The following NR3C2 variants were observed in gnomAD, a reference collection of about 807,000 sequenced individuals.
NR3C2 encodes the protein nuclear receptor subfamily 3 group C member 2.
NR3C2 carries 15 observed loss-of-function variants against 86.4 expected under a neutral mutation model. The ratio of observed to expected loss-of-function variants is 0.17; its 90% CI spans 0.12 to 0.27. NR3C2 has a LOEUF of 0.27. Among genes scored for constraint, NR3C2 ranks in the 10% least tolerant of loss-of-function variants. The pLI, the probability that NR3C2 is intolerant of heterozygous loss-of-function variation, is 1.00. For synonymous variants in NR3C2, 458 were observed against 450.5 expected (o/e 1.02, Z -0.21); for missense variants, 960 against 1,195.6 (o/e 0.80, Z 2.91).
intron 6 of NR3C2, among the ~76,000 whole-genome samples, chr4:148,139,899 A>T (rs1733530112): frequency 6.6e-6 from 1 of 152,186 alleles, no homozygotes; most frequent in Non-Finnish European, 1.5e-5. Context: ...AAATTATAAA[A>T]CCAAAATCAT....
At chr4:148,159,789 T>C (rs536536959) in intron 4 of NR3C2, among the ~76,000 whole-genome samples, 28 of 152,332 alleles carry the variant, frequency 1.8e-4, no homozygotes, top group South Asian at 8.3e-4. Context: ...CACAGGAACA[T>C]TGCTGGCTGA....
chr4:148,116,523 A>C (rs1414986529), intron 7 of NR3C2, among the ~76,000 whole-genome samples: 1 of 152,220 alleles, frequency 6.6e-6, no homozygotes, highest in Admixed American at 6.5e-5. Context: ...AGAACATGAG[A>C]GCCTCTGATG....
At chr4:148,229,968 A>C (rs953838801) in intron 3 of NR3C2, among the ~76,000 whole-genome samples, 2 of 152,108 alleles carry the variant, frequency 1.3e-5, no homozygotes, top group African/African-American at 4.8e-5. Context: ...TTGTTATCTA[A>C]GGTGATACCA....
At chr4:148,115,421 T>C (rs1732229707) in intron 7 of NR3C2, among the ~76,000 whole-genome samples, 1 of 152,274 alleles carries the variant, frequency 6.6e-6, no homozygotes, top group South Asian at 2.1e-4. Context: ...ATTTTATTTC[T>C]AGGTGATAAA....
intron 2 of NR3C2, among the ~76,000 whole-genome samples, chr4:148,384,551 C>T (rs1747169981): frequency 6.6e-6 from 1 of 152,036 alleles, no homozygotes; most frequent in Non-Finnish European, 1.5e-5. Flanking sequence ...ACTTAATACT[C>T]AAGTCTAAGA....
At chr4:148,148,965 C>T (rs1733989149) in intron 6 of NR3C2, among the ~76,000 whole-genome samples, 1 of 152,180 alleles carries the variant, frequency 6.6e-6, no homozygotes, top group Non-Finnish European at 1.5e-5. Flanking sequence ...TCCTCTGTAA[C>T]TTACTGATTT....
At chr4:148,183,452 T>C (rs1344611353) in intron 4 of NR3C2, among the ~76,000 whole-genome samples, 2 of 152,200 alleles carry the variant, frequency 1.3e-5, no homozygotes, top group African/African-American at 4.8e-5. Context: ...TGTAAAAGCA[T>C]TCCTATTTCT....
intron 3 of NR3C2, chr4:148,209,024 C>A (rs903887937): frequency 6.6e-6 from 1 of 151,918 alleles, no homozygotes. Flanking sequence ...GGGCAGATCA[C>A]CTTAAAGTTA....
At chr4:148,262,710 G>C (rs1007393576) in intron 2 of NR3C2, among the ~76,000 whole-genome samples, 2 of 152,134 alleles carry the variant, frequency 1.3e-5, no homozygotes, top group East Asian at 1.9e-4. Context: ...CAATCTAATA[G>C]GACTGATGTT....
intron 4 of NR3C2, among the ~76,000 whole-genome samples, chr4:148,161,527 A>C (rs1734661298): frequency 6.6e-6 from 1 of 151,936 alleles, no homozygotes; most frequent in Admixed American, 6.6e-5. Flanking sequence ...TTTTTTTTAA[A>C]TATTTTTAGT....
chr4:148,293,013 G>GA (rs1741870039), intron 2 of NR3C2, among the ~76,000 whole-genome samples: 1 of 151,978 alleles, frequency 6.6e-6, no homozygotes, highest in African/African-American at 2.4e-5. Context: ...TAGAGCTTTT[G>GA]AAAAAATGCA....
chr4:148,081,987 C>T (rs1306142391), intron 8 of NR3C2, among the ~76,000 whole-genome samples: 1 of 152,156 alleles, frequency 6.6e-6, no homozygotes, highest in Non-Finnish European at 1.5e-5. Flanking sequence ...GTGGTGTTCC[C>T]CTAACTGGGC....
intron 2 of NR3C2, among the ~76,000 whole-genome samples, chr4:148,422,489 CTT>C (rs1397850223): frequency 6.6e-6 from 1 of 152,046 alleles, no homozygotes. Context: ...TACCCTGAAA[CTT>C]TGCATCTAGA....
At chr4:148,288,158 C>A (rs74458017) in intron 2 of NR3C2, among the ~76,000 whole-genome samples, 1 of 152,190 alleles carries the variant, frequency 6.6e-6, no homozygotes, top group Non-Finnish European at 1.5e-5. Context: ...TTAGAGGTCA[C>A]TGGACCTTGT....
At chr4:148,192,665 G>T (rs770571918) in intron 4 of NR3C2, among the ~76,000 whole-genome samples, 37 of 151,966 alleles carry the variant, frequency 2.4e-4, no homozygotes, top group Non-Finnish European at 5.2e-4. Flanking sequence ...TGGCTGCTGT[G>T]GGGGGTGGGG....
At chr4:148,315,790 A>C (rs1743143324) in intron 2 of NR3C2, among the ~76,000 whole-genome samples, 1 of 152,182 alleles carries the variant, frequency 6.6e-6, no homozygotes, top group Admixed American at 6.5e-5. Context: ...ATAAACCTTC[A>C]AGTTGCAAAA....
At chr4:148,109,963 A>G (rs997909788) in intron 8 of NR3C2, among the ~76,000 whole-genome samples, 9 of 152,252 alleles carry the variant, frequency 5.9e-5, no homozygotes, top group Admixed American at 1.3e-4. Context: ...AATTCATTAG[A>G]AATAAGCTTC....
At chr4:148,408,713 TA>T in intron 2 of NR3C2, among the ~76,000 whole-genome samples, 1 of 152,206 alleles carries the variant, frequency 6.6e-6, no homozygotes, top group African/African-American at 2.4e-5. Context: ...AAACAGAAAA[TA>T]AAAGTGTTAA....
At chr4:148,403,265 G>C (rs1188012601) in intron 2 of NR3C2, among the ~76,000 whole-genome samples, 1 of 151,880 alleles carries the variant, frequency 6.6e-6, no homozygotes, top group African/African-American at 2.4e-5. Flanking sequence ...ACACATATTG[G>C]ATGCTGAAAA....
Sources: allele counts gnomAD v4.1 joint callset (sites outside exome capture counted in the v4.1 genomes callset), GRCh38; gene constraint gnomAD v4.1.1; transcripts MANE v1.5; gene names NCBI Gene and HGNC (gene_info 2026-07-23, HGNC 2026-07-21).